PTPN20: variants seen among roughly 807,000 people sequenced by gnomAD.
PTPN20 encodes the protein tyrosine-protein phosphatase non-receptor type 20.
A neutral mutation model predicts 35.0 loss-of-function variants in PTPN20; 9 were observed. That is an observed-to-expected ratio of 0.26 (90% CI 0.15 to 0.45). PTPN20 has a LOEUF of 0.45. Ranked by LOEUF, PTPN20 falls within the 20% of genes least tolerant of loss-of-function variation. The pLI, the probability that PTPN20 is intolerant of heterozygous loss-of-function variation, is 1.00. For missense variants in PTPN20, 111 were observed against 312.5 expected (o/e 0.36, Z 4.86); for synonymous variants, 32 against 100.2 (o/e 0.32, Z 4.06).
intron 2 of PTPN20, among the ~76,000 whole-genome samples, chr10:46,938,998 G>A (rs1453654560): frequency 5.3e-5 from 8 of 152,148 alleles, no homozygotes; most frequent in Admixed American, 3.9e-4. Context: ...CCTGTAAGTC[G>A]CCTTCTATGA....
intron 5 of PTPN20, among the ~76,000 whole-genome samples, chr10:46,950,540 TTC>T (rs1268659875): frequency 6.6e-6 from 1 of 151,904 alleles, no homozygotes; most frequent in African/African-American, 2.4e-5. Flanking sequence ...GGGGCTAATG[TTC>T]TGTTTTAAAT....
intron 7 of PTPN20, among the ~76,000 whole-genome samples, chr10:46,975,540 T>C (rs1289922617): frequency 1.3e-5 from 2 of 151,952 alleles, no homozygotes; most frequent in Non-Finnish European, 2.9e-5. Context: ...ACAGAAAGGC[T>C]AAAAGAGATA....
rs1197281212 is a variant in PTPN20, at chr10:46,926,494, A to T, written c.-123-5883A>T. Among the ~76,000 whole-genome samples the T allele has an allele frequency of 5.9e-5, 9 of 151,540 alleles. No homozygotes were observed. The East Asian group carries it at 1.7e-3, about 29-fold the overall frequency. On this transcript the variant is annotated intron_variant, in intron 1 of 10. Transcript: ENST00000374339. ...ATGGCTGCTCTGTGATTACCCTGGGATGATGTTCAGGTAATGCTGTGTAGT... is the reference window on the plus strand; with the variant it reads ...ATGGCTGCTCTGTGATTACCCTGGGTTGATGTTCAGGTAATGCTGTGTAGT...
intron 5 of PTPN20, among the ~76,000 whole-genome samples, chr10:46,953,313 CA>C (rs1289390186): frequency 6.8e-6 from 1 of 146,356 alleles, no homozygotes; most frequent in Non-Finnish European, 1.5e-5. Flanking sequence ...TCTACTTTTC[CA>C]ATGTATATGC....
In PTPN20 at chr10:46,954,459, C is replaced by CT. The variant is rs1289733342; in HGVS notation, c.340+7792dup. Among the ~76,000 whole-genome samples the CT allele has an allele frequency of 3.2e-4, 46 of 144,818 alleles. 1 individual carries two copies. The South Asian group carries it at 8.0e-3, about 25-fold the overall frequency. On this transcript the variant is annotated intron_variant, in intron 5 of 10. Coordinates refer to ENST00000374339, the MANE Select transcript of PTPN20 (RefSeq NM_001042357.5). ...GATATAGGACTATTTAGGTGTCTCT[C>CT]TTTTTTTTAATGAGCTTTGGCAGTT...
intron 9 of PTPN20, among the ~76,000 whole-genome samples, chr10:46,999,580 G>C (rs1345948952): frequency 1.3e-5 from 2 of 152,110 alleles, no homozygotes; most frequent in African/African-American, 4.8e-5. Context: ...CTATTGTTGG[G>C]GCCAGAGAAA....
chr10:46,938,151 A>G (rs1199446375), intron 2 of PTPN20, among the ~76,000 whole-genome samples: 8 of 150,692 alleles, frequency 5.3e-5, no homozygotes, highest in Non-Finnish European at 5.9e-5. Context: ...GGGTTTCACC[A>G]TGTTTGTCAG....
chr10:46,998,248 G>A (rs2059489273), intron 9 of PTPN20, among the ~76,000 whole-genome samples: 1 of 151,972 alleles, frequency 6.6e-6, no homozygotes, highest in African/African-American at 2.4e-5. Context: ...CAAATTGATG[G>A]TTAAATAAAG....
chr10:46,995,540 T>C (rs2058947157), intron 9 of PTPN20, among the ~76,000 whole-genome samples: 1 of 152,216 alleles, frequency 6.6e-6, no homozygotes, highest in Middle Eastern at 3.4e-3. Context: ...CAATGTATCT[T>C]CTGCAATGTG....
At chr10:46,937,777 T>A (rs1490549393) in intron 2 of PTPN20, among the ~76,000 whole-genome samples, 1 of 152,086 alleles carries the variant, frequency 6.6e-6, no homozygotes, top group Non-Finnish European at 1.5e-5. Flanking sequence ...CTAAATTTTA[T>A]CATCTGTCAT....
At chr10:46,999,218 A>G (rs2059679973) in intron 9 of PTPN20, among the ~76,000 whole-genome samples, 1 of 152,224 alleles carries the variant, frequency 6.6e-6, no homozygotes, top group Admixed American at 6.5e-5. Context: ...TACAGTTGAC[A>G]ACATTTACAT....
chr10:46,919,183 G>A (rs1589141180), intron 1 of PTPN20, among the ~76,000 whole-genome samples: 2 of 152,078 alleles, frequency 1.3e-5, no homozygotes, highest in South Asian at 4.2e-4. Flanking sequence ...ATGTACGGTG[G>A]GTTCCTTGTA....
intron 5 of PTPN20, among the ~76,000 whole-genome samples, chr10:46,963,726 TTAAC>T: frequency 1.0e-5 from 1 of 95,364 alleles, no homozygotes; most frequent in East Asian, 1.2e-3. Context: ...ACAAATGGCT[TTAAC>T]TAACCAGAGG....
intron 7 of PTPN20, among the ~76,000 whole-genome samples, chr10:46,976,841 CTCTA>C (rs1289541051): frequency 8.0e-5 from 11 of 137,262 alleles, no homozygotes; most frequent in Non-Finnish European, 1.1e-4. Context: ...CAAGTACTTT[CTCTA>C]TCTCTCTCTC....
intron 5 of PTPN20, among the ~76,000 whole-genome samples, chr10:46,952,804 C>T (rs2047093146): frequency 6.6e-6 from 1 of 151,896 alleles, no homozygotes; most frequent in Non-Finnish European, 1.5e-5. Flanking sequence ...CTCGTTACTC[C>T]ATTGGAAAGC....
At chr10:46,936,199 T>C (rs1245234346) in intron 2 of PTPN20, among the ~76,000 whole-genome samples, 1 of 152,024 alleles carries the variant, frequency 6.6e-6, no homozygotes, top group Non-Finnish European at 1.5e-5. Flanking sequence ...TTCTGGATAT[T>C]AGACCATGTG....
rs1317163874 is a variant in PTPN20, at chr10:46,958,828, A to G, written c.341-6158A>G. On this transcript the variant is annotated intron_variant, in intron 5 of 10. Transcript: ENST00000374339. ...AAAATTATGTCGTTCAATTTTCACA[A>G]ATCTGTAAGTTTATCAGTTTTTCTT... Among the ~76,000 whole-genome samples, 5 of 150,696 alleles carry G rather than the reference A, an allele frequency of 3.3e-5. No individual in the cohort carries two copies. In the South Asian group the frequency reaches 8.6e-4, roughly 26 times the overall value.
At chr10:46,925,110 G>A (rs2036753709) in intron 1 of PTPN20, among the ~76,000 whole-genome samples, 1 of 151,222 alleles carries the variant, frequency 6.6e-6, no homozygotes, top group South Asian at 2.1e-4. Flanking sequence ...CCCAGCCTGG[G>A]TTGTTTGGTG....
chr10:47,000,592 G>A, intron 10 of PTPN20, 84 bp from the exon 11 acceptor site: 2 of 1,550,668 alleles, frequency 1.3e-6, no homozygotes, highest in Admixed American at 1.7e-5. Context: ...CAGTGTGGCT[G>A]AAAATTACAA....
Sources: allele counts gnomAD v4.1 joint callset (sites outside exome capture counted in the v4.1 genomes callset), GRCh38; gene constraint gnomAD v4.1.1; transcripts MANE v1.5; gene names NCBI Gene and HGNC (gene_info 2026-07-23, HGNC 2026-07-21).